THAP5: variants seen among roughly 807,000 people sequenced by gnomAD.
THAP5 encodes the protein THAP domain containing 5.
In THAP5, 26 loss-of-function variants were observed where a neutral mutation model predicts 34.0. The observed-to-expected ratio is 0.77, with a 90% CI of 0.56 to 1.06. The LOEUF is 1.06. THAP5 is among the 50% of genes least tolerant of loss of function. THAP5 has a pLI of 0.00. For synonymous variants in THAP5, 125 were observed against 153.0 expected, an observed-to-expected ratio of 0.82 and a Z score of 1.35; for missense variants, 394 against 452.8, an observed-to-expected ratio of 0.87 and a Z score of 1.18.
At chr7:108,565,688 G>T in intron 2 of THAP5, 142 bp downstream of exon 2, 1 of 589,608 alleles carries the variant, frequency 1.7e-6, no homozygotes, top group Non-Finnish European at 2.7e-6. Context: ...ATCACTTTTA[G>T]TAAAAGCACA....
chr7:108,569,628 A>C lies in THAP5; in HGVS notation c.-59T>G. On this transcript the variant is annotated 5_prime_UTR_variant, in exon 1 of 3. It removes the in-frame stop codon of an upstream open reading frame in the 5' UTR. Coordinates refer to ENST00000415914, the MANE Select transcript of THAP5 (RefSeq NM_001130475.3). ...CGACGGATGCAGGGCGGCCCTCCTCACTGAGGATGCGCCACAGGTCCAGGC... is the reference window on the plus strand; with the variant it reads ...CGACGGATGCAGGGCGGCCCTCCTCCCTGAGGATGCGCCACAGGTCCAGGC... 1 of 1,541,978 alleles carries C rather than the reference A, an allele frequency of 6.5e-7. No individual in the cohort carries two copies.
At chr7:108,555,430 A>G (rs1026190621) in intron 1 of THAP5, among the ~76,000 whole-genome samples, 3 of 152,112 alleles carry the variant, frequency 2.0e-5, no homozygotes, top group African/African-American at 7.2e-5. Flanking sequence ...AGCCTCCCAA[A>G]GTGCTGGGAT....
downstream of THAP5, among the ~76,000 whole-genome samples, chr7:108,560,432 T>G (rs1357741843): frequency 6.6e-6 from 1 of 152,216 alleles, no homozygotes. Context: ...CTGCAGCCTA[T>G]AAGACAGGAC....
intron 2 of THAP5, 184 bp downstream of exon 2, chr7:108,565,646 G>C: frequency 2.2e-6 from 1 of 464,312 alleles, no homozygotes; most frequent in Non-Finnish European, 3.8e-6. Flanking sequence ...CTTCTCTTAA[G>C]CTGTGCTTCA....
intron 2 of THAP5, chr7:108,565,608 TTAA>T: frequency 2.8e-6 from 1 of 363,094 alleles, no homozygotes; most frequent in Admixed American, 4.3e-5. Flanking sequence ...TGAACTTGTG[TTAA>T]TAACTTAATA....
downstream of THAP5, among the ~76,000 whole-genome samples, chr7:108,551,186 G>A (rs1317195765): frequency 6.6e-6 from 1 of 152,094 alleles, no homozygotes; most frequent in African/African-American, 2.4e-5. Flanking sequence ...CTAAGTTGCT[G>A]TTTTTTACTT....
chr7:108,557,274 C>G (rs572430665), downstream of THAP5, among the ~76,000 whole-genome samples: 1 of 152,346 alleles, frequency 6.6e-6, no homozygotes, highest in South Asian at 2.1e-4. Flanking sequence ...TTTCTGCAGC[C>G]TTTTATTCCT....
Position 108,569,562 on chromosome 7 carries a change from C to G in THAP5, c.8G>C (p.Arg3Pro). Residue 3 changes from arginine (R) to proline (P), a missense_variant, in exon 1 of 3, where the codon CGC (arginine) becomes CCC (proline). By Grantham distance (103) the Arg-to-Pro change is moderately radical. Coordinates refer to ENST00000415914, the MANE Select transcript of THAP5 (RefSeq NM_001130475.3). MP[R>P]YCAAICCKNR... ...CTTACAACAAATCGCTGCGCAATAGCGGGGCATGACTCGGGTGAGGCCCCT... is the reference window on the plus strand; with the variant it reads ...CTTACAACAAATCGCTGCGCAATAGGGGGGCATGACTCGGGTGAGGCCCCT... The G allele has an allele frequency of 6.4e-7, 1 of 1,551,588 alleles. No homozygotes were observed. The highest frequency in any genetic ancestry group is 8.7e-7 in the Non-Finnish European group (1 of 1,147,010).
At position 108,562,476 on chromosome 7, in the gene THAP5, T is replaced by C. The variant is rs1790369112; in HGVS notation, c.*1715A>G. Reference sequence around the variant, plus strand: ...ATTAGCCTAATGAAACTAAGTCAAATATGGCCAAAAATAATCATCATGCAT... The same window carrying C: ...ATTAGCCTAATGAAACTAAGTCAAACATGGCCAAAAATAATCATCATGCAT... On this transcript the variant is annotated 3_prime_UTR_variant, in exon 3 of 3. Coordinates refer to ENST00000415914, the MANE Select transcript of THAP5 (RefSeq NM_001130475.3). The C allele has an allele frequency of 6.6e-6, 1 of 152,216 alleles. No individual in the cohort carries two copies. The highest frequency in any genetic ancestry group is 2.4e-5 in the African/African-American group (1 of 41,450). The allele number at this position is 152,216 out of a possible 1,614,324, so 9.4% of individuals were successfully genotyped here. A position where few individuals can be genotyped will look rare whatever the true frequency, so the allele number is the denominator to read the frequency against.
At chr7:108,556,835 C>T (rs1394268848) in intron 1 of THAP5, among the ~76,000 whole-genome samples, 1 of 152,252 alleles carries the variant, frequency 6.6e-6, no homozygotes, top group East Asian at 1.9e-4. Context: ...TCCACATTTT[C>T]ACTGTGTGCT....
chr7:108,552,311 T>C (rs945487119), downstream of THAP5, among the ~76,000 whole-genome samples: 6 of 152,148 alleles, frequency 3.9e-5, no homozygotes, highest in Non-Finnish European at 8.8e-5. Flanking sequence ...ATTCCAGAGG[T>C]ATCTGTTGAT....
the THAP5 span, among the ~76,000 whole-genome samples, chr7:108,544,581 AAACAAC>A: frequency 1.3e-5 from 2 of 151,960 alleles, no homozygotes; most frequent in Non-Finnish European, 2.9e-5. Flanking sequence ...TAGAATAGGT[AAACAAC>A]AACAACAACA....
At chr7:108,558,133 C>G (rs1169758994), downstream of THAP5, among the ~76,000 whole-genome samples, 1 of 151,872 alleles carries the variant, frequency 6.6e-6, no homozygotes. Context: ...TCATGTCCCA[C>G]TAGACCCCCC....
In THAP5 at chr7:108,565,874, G is replaced by C. The variant is rs1436137581; in HGVS notation, c.229C>G (p.Gln77Glu). The C allele has an allele frequency of 2.6e-6, 4 of 1,547,828 alleles. No individual in the cohort carries two copies. The highest frequency in any genetic ancestry group is 3.5e-6 in the Non-Finnish European group (4 of 1,146,408). The change falls in exon 2 of 3, where the codon CAA becomes GAA. Residue 77 changes from glutamine to glutamate, a missense_variant. Transcript: ENST00000415914. The stretch of plus-strand genomic sequence containing the variant: ...GAAAATATTGTTGGAACTGCAGTTT[G>C]TTTTAAATATCGAATACCCCATCTG... Reference protein sequence around the residue: ...DIRWGIRYLKQTAVPTIFSLP... With the variant: ...DIRWGIRYLKETAVPTIFSLP...
At chr7:108,549,889 G>A (rs1370744847), downstream of THAP5, among the ~76,000 whole-genome samples, 1 of 152,070 alleles carries the variant, frequency 6.6e-6, no homozygotes, top group Non-Finnish European at 1.5e-5. Context: ...GTTGTCATTT[G>A]GACTGGTGGC....
rs745651772 is a variant in THAP5 at position 108,564,143 on chromosome 7, G to A, written c.*48C>T. ...GTTCACTTTACATGTAGTTTGGTTT[G>A]GCTGGAAAAAGCTTATTTAACAGCC... On this transcript the variant is annotated 3_prime_UTR_variant, in exon 3 of 3. Coordinates refer to ENST00000415914, the MANE Select transcript of THAP5 (RefSeq NM_001130475.3). The A allele has an allele frequency of 2.1e-6, 3 of 1,431,518 alleles. No homozygotes were observed. Among genetic ancestry groups the A allele is most frequent in the Admixed American group, 2.3e-5 (1 of 43,122 alleles). 88.7% of individuals were successfully genotyped at this position (1,431,518 alleles called of 1,614,324 possible). A position where few individuals can be genotyped will look rare whatever the true frequency, so the allele number is the denominator to read the frequency against.
At chr7:108,560,224 A>G (rs112426229), downstream of THAP5, among the ~76,000 whole-genome samples, 1 of 152,210 alleles carries the variant, frequency 6.6e-6, no homozygotes, top group African/African-American at 2.4e-5. Context: ...CCTTGTTTGC[A>G]AAGGAGAGAA....
At chr7:108,549,852 C>T (rs886754370), downstream of THAP5, among the ~76,000 whole-genome samples, 14 of 152,134 alleles carry the variant, frequency 9.2e-5, no homozygotes, top group Non-Finnish European at 1.6e-4. Context: ...TTGAAGAACT[C>T]GATGTTTCTG....
In THAP5 at chr7:108,564,209, A is replaced by G. The variant is rs150538659; in HGVS notation, c.1170T>C (p.Tyr390=). The G allele has an allele frequency of 7.2e-5, 115 of 1,595,066 alleles. No individual in the cohort carries two copies. The highest frequency in any genetic ancestry group is 9.2e-5 in the Non-Finnish European group (108 of 1,172,948). The change falls in exon 3 of 3, where the codon TAT becomes TAC. Residue 390 remains tyrosine (Y), a synonymous_variant. Transcript: ENST00000415914. Reference sequence around the variant, plus strand: ...AGTTATTCTATATCATAGTGACTTCATATGTTGTAAAATGGTTTTCTATAA... The same window carrying G: ...AGTTATTCTATATCATAGTGACTTCGTATGTTGTAAAATGGTTTTCTATAA... The part of the protein sequence containing the change: ...VKIIENHFTT[Y]EVTMI
Sources: allele counts gnomAD v4.1 joint callset (sites outside exome capture counted in the v4.1 genomes callset), GRCh38; gene constraint gnomAD v4.1.1; transcripts MANE v1.5; gene names NCBI Gene and HGNC (gene_info 2026-07-23, HGNC 2026-07-21).